Variants in ARAP2 observed in about 807,000 individuals in gnomAD.
ARAP2 encodes arf-GAP with Rho-GAP domain, ANK repeat and PH domain-containing protein 2.
A neutral mutation model predicts 194.5 loss-of-function variants in ARAP2; 148 were observed. That is an observed-to-expected ratio of 0.76 (90% CI 0.67 to 0.87). ARAP2 has a LOEUF of 0.87. Ranked by LOEUF, ARAP2 falls within the 40% of genes least tolerant of loss-of-function variation. ARAP2 has a pLI of 0.00. For synonymous variants in ARAP2, 695 were observed against 683.5 expected (o/e 1.02, Z -0.26); for missense variants, 2,128 against 1,989.7 (o/e 1.07, Z -1.32).
At chr4:36,105,329 AAAC>A (rs569735705) in intron 27 of ARAP2, among the ~76,000 whole-genome samples, 341 of 152,082 alleles carry the variant, frequency 2.2e-3, no homozygotes, top group African/African-American at 8.0e-3. Context: ...ATCTCAAAAC[AAAC>A]AACAACAACA....
chr4:36,113,653 C>A (rs1720592240), intron 26 of ARAP2, among the ~76,000 whole-genome samples: 2 of 151,950 alleles, frequency 1.3e-5, no homozygotes, highest in South Asian at 4.2e-4. Flanking sequence ...ATGTTAAGCT[C>A]ATTCAGCACT....
At chr4:36,103,083 T>A (rs1023005254) in intron 27 of ARAP2, among the ~76,000 whole-genome samples, 1 of 151,538 alleles carries the variant, frequency 6.6e-6, no homozygotes, top group African/African-American at 2.4e-5. Context: ...GAAATTGTCT[T>A]TTTTTTTAAG....
Position 36,201,403 on chromosome 4 carries a change from C to G in ARAP2, c.1488-7756G>C, listed in dbSNP as rs182897384. ...TCTACATTTTATATGTGAGTTCAGTCTTGCAAAGTACTTCAGAATTCCTTC... is the reference window on the plus strand; with the variant it reads ...TCTACATTTTATATGTGAGTTCAGTGTTGCAAAGTACTTCAGAATTCCTTC... On this transcript the variant is annotated intron_variant, in intron 6 of 32. Transcript: ENST00000303965. Among the ~76,000 whole-genome samples, 560 of 152,292 alleles carry G rather than the reference C, an allele frequency of 3.7e-3. 8 individuals carry two copies. Among genetic ancestry groups the G allele is most frequent in the Non-Finnish European group, 4.0e-3 (273 of 68,002 alleles).
intron 5 of ARAP2, among the ~76,000 whole-genome samples, chr4:36,042,464 T>C (rs1237983720): frequency 6.6e-6 from 1 of 152,244 alleles, no homozygotes; most frequent in Admixed American, 6.5e-5. Flanking sequence ...TTTAACCTTA[T>C]GGGACTTAAC....
At chr4:36,016,268 A>G (rs1476243747) in intron 6 of ARAP2, among the ~76,000 whole-genome samples, 2 of 152,282 alleles carry the variant, frequency 1.3e-5, no homozygotes, top group Middle Eastern at 3.4e-3. Flanking sequence ...TTATGGGTGT[A>G]TATGTACATT....
chr4:36,134,581 C>T (rs1014767812), intron 19 of ARAP2, among the ~76,000 whole-genome samples: 3 of 151,684 alleles, frequency 2.0e-5, no homozygotes, highest in African/African-American at 4.8e-5. Context: ...TGATCTAAAA[C>T]GCAAAGCTAA....
At chr4:36,151,314 G>A (rs1487631009) in intron 15 of ARAP2, among the ~76,000 whole-genome samples, 4 of 152,156 alleles carry the variant, frequency 2.6e-5, no homozygotes, top group Admixed American at 1.3e-4. Flanking sequence ...TAAAGAGGTT[G>A]CTGAAAAACA....
chr4:36,207,740 T>C (rs1745869722), intron 6 of ARAP2, among the ~76,000 whole-genome samples: 1 of 152,192 alleles, frequency 6.6e-6, no homozygotes, highest in Admixed American at 6.5e-5. Flanking sequence ...AATTGTATTT[T>C]GATAATTTAT....
chr4:36,208,620 C>A (rs893853767), intron 6 of ARAP2, among the ~76,000 whole-genome samples: 1 of 152,146 alleles, frequency 6.6e-6, no homozygotes, highest in Admixed American at 6.5e-5. Flanking sequence ...ACATCTTAAA[C>A]CCTCACAATA....
intron 27 of ARAP2, among the ~76,000 whole-genome samples, chr4:36,092,793 T>C (rs1032166158): frequency 1.3e-5 from 2 of 152,170 alleles, no homozygotes; most frequent in Non-Finnish European, 1.5e-5. Context: ...TTGTATTATA[T>C]TTCTTTTGAA....
intron 1 of ARAP2, among the ~76,000 whole-genome samples, chr4:36,234,456 A>G (rs1752077499): frequency 1.3e-5 from 2 of 152,164 alleles, no homozygotes; most frequent in Non-Finnish European, 2.9e-5. Context: ...TCAGGTTTCA[A>G]CATACAAATC....
intron 6 of ARAP2, among the ~76,000 whole-genome samples, chr4:36,196,359 C>T (rs896667372): frequency 2.6e-5 from 4 of 152,222 alleles, no homozygotes; most frequent in South Asian, 4.2e-4. Flanking sequence ...AAGGATCAGT[C>T]GAAGATGCAG....
chr4:36,124,702 A>G (rs1339432594), intron 22 of ARAP2, among the ~76,000 whole-genome samples, 160 bp downstream of exon 22: 1 of 151,910 alleles, frequency 6.6e-6, no homozygotes, highest in Admixed American at 6.6e-5. Context: ...TCTGATTAAG[A>G]AATTCCCAGT....
At position 36,230,213 on chromosome 4, in the gene ARAP2, T is replaced by C. The variant is rs1413903549; in HGVS notation, c.-159-568A>G. ...CAAGCACAGGAATTAAAATTGGGAT[T>C]AAAATATCTCTAAGGTGGTCCTGTT... is the stretch of plus-strand genomic sequence containing the variant. On this transcript the variant is annotated intron_variant, in intron 1 of 32. Transcript: ENST00000303965. Among the ~76,000 whole-genome samples the C allele has an allele frequency of 2.6e-5, 4 of 152,214 alleles. No individual in the cohort carries two copies. The East Asian group carries it at 7.7e-4, about 29-fold the overall frequency.
At chr4:36,187,658 G>C in intron 7 of ARAP2, 87 bp from the exon 8 acceptor site, 1 of 1,174,350 alleles carries the variant, frequency 8.5e-7, no homozygotes, top group Non-Finnish European at 1.2e-6. Context: ...ATTTATAACT[G>C]CTTCTCTTTA....
intron 1 of ARAP2, among the ~76,000 whole-genome samples, chr4:36,242,093 A>G (rs1753628577): frequency 6.6e-6 from 1 of 152,224 alleles, no homozygotes; most frequent in Non-Finnish European, 1.5e-5. Flanking sequence ...TCTGGCCAAT[A>G]CTTACAAGTA....
chr4:36,176,378 T>A (rs185138194), intron 9 of ARAP2, among the ~76,000 whole-genome samples: 110 of 152,306 alleles, frequency 7.2e-4, no homozygotes, highest in African/African-American at 2.6e-3. Flanking sequence ...CATGTACATT[T>A]TCACTAATCA....
chr4:36,137,129 A>G (rs546642574), intron 19 of ARAP2, among the ~76,000 whole-genome samples: 16 of 151,992 alleles, frequency 1.1e-4, no homozygotes, highest in African/African-American at 3.9e-4. Flanking sequence ...TAAAATACGT[A>G]TGCATTAGTT....
In ARAP2 at chr4:36,117,119, T is replaced by C; in HGVS notation, c.3980A>G (p.Asp1327Gly). 6.3e-7 allele frequency: 1 copy of C among 1,597,068 alleles called. No individual in the cohort carries two copies. Residue 1327 changes from aspartate to glycine, a missense_variant, in exon 25 of 33, where the codon GAT (aspartate) becomes GGT (glycine). Asp to Gly is a moderately conservative substitution (Grantham distance 94). Coordinates refer to ENST00000303965, the MANE Select transcript of ARAP2 (RefSeq NM_015230.4). ...WKDTQVSQAG[D>G]LLIEVYVERK... ...TTCTACATATACTTCAATTAACAAA[T>C]CTCCAGCCTGGGAAACCTAGAAAAG...
Sources: gnomAD v4.1 joint callset for allele counts (sites outside exome capture counted in the v4.1 genomes callset) on GRCh38, gnomAD v4.1.1 for gene constraint, MANE v1.5 for transcripts, NCBI Gene and HGNC (gene_info 2026-07-23, HGNC 2026-07-21) for gene names.